SYNE3: variants seen among roughly 807,000 people sequenced by gnomAD.
SYNE3 encodes the protein nesprin-3.
SYNE3 carries 100 observed loss-of-function variants against 111.2 expected under a neutral mutation model. The observed-to-expected ratio is 0.90, with a 90% CI of 0.77 to 1.06. SYNE3 has a LOEUF of 1.06. SYNE3 is among the 50% of genes least tolerant of loss of function. The pLI is 0.00. For missense variants in SYNE3, 1,160 were observed against 1,240.3 expected (o/e 0.94, Z 0.97); for synonymous variants, 547 against 533.9 (o/e 1.02, Z -0.34).
chr14:95,431,418 G>A (rs1038444654), intron 17 of SYNE3, among the ~76,000 whole-genome samples: 3 of 152,216 alleles, frequency 2.0e-5, no homozygotes, highest in Admixed American at 1.3e-4. Context: ...AGTTACAGGA[G>A]AGGCCCTAAC....
chr14:95,436,982 C>T lies in SYNE3; in HGVS notation c.2377-1G>A, dbSNP rs1463045269. 6.2e-7 allele frequency: 1 copy of T among 1,614,122 alleles called. No homozygotes were observed. Among genetic ancestry groups the T allele is most frequent in the East Asian group, 2.2e-5 (1 of 44,886 alleles). ...CTTCTTCTTCCTGTAGAAGATTTGC[C>T]TGTAGGATCACACACGGCCAAAGCG... On this transcript the variant is annotated splice_acceptor_variant, in intron 14 of 17. Transcript: ENST00000682763. LOFTEE classifies it high-confidence loss of function.
chr14:95,444,460 G>GA, intron 10 of SYNE3, 25 bp downstream of exon 10: 1 of 1,586,040 alleles, frequency 6.3e-7, no homozygotes, highest in Non-Finnish European at 8.6e-7. Flanking sequence ...GGGCAGGAGT[G>GA]ATTCAGGCCT....
In SYNE3 at chr14:95,417,936, G is replaced by A. The variant is rs753968152; in HGVS notation, c.2818C>T (p.Leu940=). 3.7e-6 allele frequency: 6 copies of A among 1,614,092 alleles called. No individual in the cohort carries two copies. Among genetic ancestry groups the A allele is most frequent in the East Asian group, 4.5e-5 (2 of 44,882 alleles). Residue 940 remains leucine (L), a synonymous_variant, in exon 18 of 18, where the codon CTG becomes TTG. Transcript: ENST00000682763. ...LQLLLLLFLL[L]LFLLPIREED... ...TCCCTGATTGGGAGCAGGAACAGCA[G>A]GAGGAGGAACAGCAGCAGAAGCAGC...
chr14:95,450,116 C>T lies in SYNE3; in HGVS notation c.1275-11G>A, dbSNP rs367933100. 3 of 1,568,476 alleles carry T rather than the reference C, an allele frequency of 1.9e-6. No homozygotes were observed. Among genetic ancestry groups the T allele is most frequent in the Non-Finnish European group, 1.7e-6 (2 of 1,155,554 alleles). ...CTCTTCACCTTCAGGCTGCAAGGAG[C>T]GTGGAGGGAGAAAATGAGGGAGGAG... On this transcript the variant is annotated splice_polypyrimidine_tract_variant and intron_variant, in intron 7 of 17. Coordinates refer to ENST00000682763, the MANE Select transcript of SYNE3 (RefSeq NM_152592.6).
chr14:95,466,479 A>C (rs556766124), intron 3 of SYNE3, among the ~76,000 whole-genome samples: 1 of 152,286 alleles, frequency 6.6e-6, no homozygotes, highest in South Asian at 2.1e-4. Context: ...TGAGGGTAGG[A>C]GCCAGGGGAG....
At chr14:95,488,114 T>C (rs1889641171) in intron 1 of SYNE3, among the ~76,000 whole-genome samples, 1 of 152,258 alleles carries the variant, frequency 6.6e-6, no homozygotes, top group South Asian at 2.1e-4. Context: ...AAAGTATGTA[T>C]TAATCAACTT....
At chr14:95,445,834 G>A in intron 9 of SYNE3, 75 bp downstream of exon 9, 4 of 1,511,100 alleles carry the variant, frequency 2.6e-6, no homozygotes, top group Non-Finnish European at 3.6e-6. Flanking sequence ...AGAACATAAG[G>A]CCATCTGCCT....
intron 6 of SYNE3, among the ~76,000 whole-genome samples, chr14:95,454,823 C>G (rs761504352): frequency 6.6e-6 from 1 of 152,140 alleles, no homozygotes; most frequent in Admixed American, 6.5e-5. Flanking sequence ...TATTTTAAAA[C>G]TCTCTTTATC....
chr14:95,444,271 T>G, intron 10 of SYNE3: 1 of 541,614 alleles, frequency 1.8e-6, no homozygotes, highest in Non-Finnish European at 3.1e-6. Context: ...AGTTTGTCAT[T>G]TTGCTGAGCT....
At chr14:95,463,315 C>A (rs886614075) in intron 4 of SYNE3, among the ~76,000 whole-genome samples, 2 of 152,148 alleles carry the variant, frequency 1.3e-5, no homozygotes, top group Non-Finnish European at 2.9e-5. Context: ...GGGGAGAACT[C>A]CCTGGAATGA....
chr14:95,447,035 C>A (rs1398727480), intron 8 of SYNE3, among the ~76,000 whole-genome samples: 1 of 152,124 alleles, frequency 6.6e-6, no homozygotes, highest in Non-Finnish European at 1.5e-5. Flanking sequence ...AGAACCCACT[C>A]TCAGACTTAA....
intron 13 of SYNE3, 21 bp from the exon 14 acceptor site, chr14:95,439,183 C>T: frequency 1.2e-6 from 2 of 1,614,008 alleles, no homozygotes; most frequent in Non-Finnish European, 8.5e-7. Context: ...AAACTCAGCC[C>T]AGTCAATGCA....
intron 16 of SYNE3, among the ~76,000 whole-genome samples, chr14:95,432,411 C>T (rs1375900387): frequency 1.3e-5 from 2 of 152,106 alleles, no homozygotes; most frequent in African/African-American, 2.4e-5. Flanking sequence ...CGGCTGCTCC[C>T]GGGCCAGGAA....
chr14:95,446,187 G>A (rs1886708829), intron 8 of SYNE3, 96 bp from the exon 9 acceptor site: 3 of 1,431,368 alleles, frequency 2.1e-6, no homozygotes, highest in Non-Finnish European at 2.9e-6. Context: ...AACTGCTTAG[G>A]AAGCTCACCT....
rs1447040212 is a variant in SYNE3 at position 95,415,756 on chromosome 14, A to C, written c.*2070T>G. ...ATGCCTGTAATCCCAGTGCTTTGGG[A>C]CGCTGAGGTGGGCGGATCACCTGAG... On this transcript the variant is annotated 3_prime_UTR_variant, in exon 18 of 18. Coordinates refer to ENST00000682763, the MANE Select transcript of SYNE3 (RefSeq NM_152592.6). 6.6e-6 allele frequency: 1 copy of C among 151,850 alleles called. No homozygotes were observed. Among genetic ancestry groups the C allele is most frequent in the Non-Finnish European group, 1.5e-5 (1 of 67,998 alleles). 9.4% of individuals were successfully genotyped at this position (151,850 alleles called of 1,614,324 possible). A position where few individuals can be genotyped will look rare whatever the true frequency, so the allele number is the denominator to read the frequency against.
At chr14:95,447,455 A>C (rs569996650) in intron 8 of SYNE3, among the ~76,000 whole-genome samples, 1 of 152,266 alleles carries the variant, frequency 6.6e-6, no homozygotes, top group East Asian at 1.9e-4. Flanking sequence ...GTCATTCTTT[A>C]AGCAAAGCTG....
At chr14:95,437,986 C>T (rs1157276877) in intron 14 of SYNE3, 2 of 152,306 alleles carry the variant, frequency 1.3e-5, no homozygotes, top group East Asian at 3.9e-4. Context: ...GGGCCTATCC[C>T]GAGAGCTTGT....
Position 95,439,682 on chromosome 14 carries a change from C to A in SYNE3, c.2176G>T (p.Val726Leu). 6.2e-7 allele frequency: 1 copy of A among 1,614,148 alleles called. No homozygotes were observed. Among genetic ancestry groups the A allele is most frequent in the Non-Finnish European group, 8.5e-7 (1 of 1,180,038 alleles). Residue 726 changes from valine (V) to leucine (L), a missense_variant, in exon 13 of 18, where the codon GTG becomes TTG. Physicochemically the swap from Val to Leu is conservative, Grantham distance 32 (BLOSUM62 1). Coordinates refer to ENST00000682763, the MANE Select transcript of SYNE3 (RefSeq NM_152592.6). ...GCCAGCTCCCTGAGCTCCTCCTGCA[C>A]CACGGCAGCACCCTCCGGAGAAGAC... ...EKSSPEGAAV[V>L]QEELRELAES...
intron 1 of SYNE3, among the ~76,000 whole-genome samples, chr14:95,510,248 G>A (rs7154371): frequency 0.026 from 3,926 of 152,274 alleles, 157 homozygotes; most frequent in African/African-American, 0.09. Context: ...TGGATTCACA[G>A]TGCAGCAACT....
Sources: allele counts gnomAD v4.1 joint callset (sites outside exome capture counted in the v4.1 genomes callset), GRCh38; gene constraint gnomAD v4.1.1; transcripts MANE v1.5; gene names NCBI Gene and HGNC (gene_info 2026-07-23, HGNC 2026-07-21).